Variants in GYPB observed in about 807,000 individuals in gnomAD.
The protein encoded by GYPB is glycophorin B (MNS blood group).
GYPB carries 13 observed loss-of-function variants against 15.3 expected under a neutral mutation model. The observed-to-expected ratio is 0.85, with a 90% CI of 0.55 to 1.35. The LOEUF is 1.35. GYPB is among the 40% of genes most tolerant of loss of function. GYPB has a pLI of 0.00. For synonymous variants in GYPB, 38 were observed against 36.9 expected (o/e 1.03, Z -0.11); for missense variants, 131 against 108.3 (o/e 1.21, Z -0.93).
At chr4:144,017,709 A>G (rs1728579554) in intron 1 of GYPB, among the ~76,000 whole-genome samples, 1 of 151,426 alleles carries the variant, frequency 6.6e-6, no homozygotes, top group Non-Finnish European at 1.5e-5. Flanking sequence ...GCACACCCCC[A>G]GTAGAGTACG....
intron 1 of GYPB, among the ~76,000 whole-genome samples, chr4:144,004,291 T>C (rs185541044): frequency 6.0e-4 from 91 of 151,648 alleles, no homozygotes; most frequent in African/African-American, 2.2e-3. Flanking sequence ...AGCTGACCTA[T>C]AAAATGATCT....
At chr4:144,018,402 A>G (rs1329314155) in intron 1 of GYPB, among the ~76,000 whole-genome samples, 2 of 151,130 alleles carry the variant, frequency 1.3e-5, no homozygotes, top group Admixed American at 1.3e-4. Context: ...CAGAGTGCTC[A>G]GTAGATCCTT....
intron 3 of GYPB, among the ~76,000 whole-genome samples, chr4:143,998,711 A>G (rs1032204675): frequency 5.8e-5 from 8 of 139,110 alleles, no homozygotes; most frequent in Non-Finnish European, 7.6e-5. Flanking sequence ...GAAATACAGT[A>G]CCAGTTAATT....
intron 1 of GYPB, chr4:144,008,418 G>T (rs185783901): frequency 2.2e-6 from 1 of 455,310 alleles, no homozygotes; most frequent in African/African-American, 2.0e-5. Context: ...GGGTAGGAGT[G>T]TTGTACCTCT....
intron 1 of GYPB, among the ~76,000 whole-genome samples, chr4:144,007,254 T>C (rs1406343503): frequency 1.3e-5 from 2 of 151,572 alleles, no homozygotes; most frequent in African/African-American, 2.5e-5. Context: ...CTTCAGCCAA[T>C]GGCTCTGGAG....
At chr4:144,013,068 C>T (rs541402484) in intron 1 of GYPB, among the ~76,000 whole-genome samples, 1 of 151,424 alleles carries the variant, frequency 6.6e-6, no homozygotes, top group Non-Finnish European at 1.5e-5. Context: ...ACTCTTTATC[C>T]AGAACATAGA....
At chr4:144,000,148 T>C (rs1021180962) in intron 2 of GYPB, 1 of 165,274 alleles carries the variant, frequency 6.1e-6, no homozygotes, top group African/African-American at 2.4e-5. Flanking sequence ...TGTTTGATGA[T>C]TGAGGATTCA....
chr4:143,995,740 T>C (rs1727282299), downstream of GYPB, among the ~76,000 whole-genome samples: 1 of 151,378 alleles, frequency 6.6e-6, no homozygotes, highest in South Asian at 2.1e-4. Context: ...CAATGGATAC[T>C]AAAGTAAGCC....
intron 1 of GYPB, among the ~76,000 whole-genome samples, chr4:144,011,987 G>A (rs904841630): frequency 6.6e-6 from 1 of 152,084 alleles, no homozygotes; most frequent in Non-Finnish European, 1.5e-5. Context: ...CTTCTATTTT[G>A]GTTTTTAAAA....
chr4:143,996,258 G>A lies in GYPB; in HGVS notation c.*41C>T, dbSNP rs768937465. ...CATAAACAAGAGAACAGCAGGTGCA[G>A]CCGGTTCTAGGCAAGATCAGGCAGC... On this transcript the variant is annotated 3_prime_UTR_variant, in exon 5 of 5. Transcript: ENST00000502664. 7.7e-6 allele frequency: 12 copies of A among 1,550,588 alleles called. No individual in the cohort carries two copies. The highest frequency in any genetic ancestry group is 6.1e-6 in the Non-Finnish European group (7 of 1,146,936).
At chr4:143,999,702 G>A (rs535795676) in intron 2 of GYPB, among the ~76,000 whole-genome samples, 1 of 151,382 alleles carries the variant, frequency 6.6e-6, no homozygotes, top group African/African-American at 2.5e-5. Flanking sequence ...TCTCATAACT[G>A]AGGGGAAAGG....
At chr4:144,011,961 G>A (rs1166559391) in intron 1 of GYPB, among the ~76,000 whole-genome samples, 3 of 152,092 alleles carry the variant, frequency 2.0e-5, no homozygotes, top group Non-Finnish European at 4.4e-5. Context: ...CATGTTTTAT[G>A]TTTTGTATTT....
chr4:143,996,164 G>T lies in GYPB; in HGVS notation c.*135C>A. On this transcript the variant is annotated 3_prime_UTR_variant, in exon 5 of 5. Transcript: ENST00000502664. ...TAGAGAATACAGTAATAGTGAGGCA[G>T]GAGAACAGGGAATTAGGATAGCCAG... The T allele has an allele frequency of 6.6e-7, 1 of 1,523,148 alleles. No individual in the cohort carries two copies. The highest frequency in any genetic ancestry group is 8.9e-7 in the Non-Finnish European group (1 of 1,129,890). 94.4% of individuals were successfully genotyped at this position (1,523,148 alleles called of 1,614,324 possible). A position where few individuals can be genotyped will look rare whatever the true frequency, so the allele number is the denominator to read the frequency against.
At chr4:144,011,135 T>C (rs200899343) in intron 1 of GYPB, among the ~76,000 whole-genome samples, 3 of 147,450 alleles carry the variant, frequency 2.0e-5, no homozygotes, top group Non-Finnish European at 4.4e-5. Flanking sequence ...AATCCCAACA[T>C]TTTGGGAGGC....
In GYPB at chr4:144,015,360, G is replaced by T. The variant is rs187358409; in HGVS notation, c.37+3891C>A. ...CAGATAGGTACTTACTAAAGATGTGGATATGATAATAATGGCTGGAAATCT... is the reference window on the plus strand; with the variant it reads ...CAGATAGGTACTTACTAAAGATGTGTATATGATAATAATGGCTGGAAATCT... On this transcript the variant is annotated intron_variant, in intron 1 of 4. Coordinates refer to ENST00000502664, the MANE Select transcript of GYPB (RefSeq NM_002100.6). Among the ~76,000 whole-genome samples, 25 of 151,366 alleles carry T rather than the reference G, an allele frequency of 1.7e-4. No homozygotes were observed. The East Asian group carries it at 3.7e-3, about 22-fold the overall frequency.
intron 1 of GYPB, chr4:144,002,452 A>T: frequency 4.7e-6 from 2 of 430,052 alleles, no homozygotes; most frequent in South Asian, 4.2e-5. Flanking sequence ...ATTCCATTGT[A>T]TGAATGTTCT....
At chr4:144,007,798 T>TA (rs1046670785) in intron 1 of GYPB, among the ~76,000 whole-genome samples, 1 of 151,428 alleles carries the variant, frequency 6.6e-6, no homozygotes, top group Non-Finnish European at 1.5e-5. Flanking sequence ...TTTTAAGCTT[T>TA]AAAAAAAGTT....
chr4:144,014,244 A>C (rs567937532), intron 1 of GYPB, among the ~76,000 whole-genome samples: 1 of 150,292 alleles, frequency 6.7e-6, no homozygotes, highest in East Asian at 1.9e-4. Flanking sequence ...TTCTACCCCT[A>C]TACATCTTTG....
At chr4:144,010,112 G>A (rs776105574) in intron 1 of GYPB, among the ~76,000 whole-genome samples, 8 of 151,042 alleles carry the variant, frequency 5.3e-5, no homozygotes, top group South Asian at 2.1e-4. Context: ...TCAGGATGGC[G>A]CATTCCTCTA....
Sources: gnomAD v4.1 joint callset for allele counts (sites outside exome capture counted in the v4.1 genomes callset) on GRCh38, gnomAD v4.1.1 for gene constraint, MANE v1.5 for transcripts, NCBI Gene and HGNC (gene_info 2026-07-23, HGNC 2026-07-21) for gene names.